The following RPA1 variants were observed in gnomAD, a reference collection of about 807,000 sequenced individuals.
RPA1 encodes the protein replication protein A 70 kDa DNA-binding subunit.
In RPA1, 49 loss-of-function variants were observed where a neutral mutation model predicts 83.0. The ratio of observed to expected loss-of-function variants is 0.59; its 90% CI spans 0.47 to 0.75. The LOEUF is 0.75. RPA1 is among the 30% of genes least tolerant of loss of function. The probability of loss-of-function intolerance (pLI) is 0.00; values close to 1 mark genes in which losing one functional copy is unlikely to be tolerated. For synonymous variants in RPA1, 279 were observed against 281.8 expected, an observed-to-expected ratio of 0.99 and a Z score of 0.10; for missense variants, 693 against 776.1, an observed-to-expected ratio of 0.89 and a Z score of 1.27.
At chr17:1,880,761 A>G (rs1256870356) in intron 12 of RPA1, 70 bp downstream of exon 12, 55 of 1,582,174 alleles carry the variant, frequency 3.5e-5, no homozygotes, top group Non-Finnish European at 4.6e-5. Context: ...TACAATCAGC[A>G]TGGGAGCTTT....
At position 1,888,809 on chromosome 17, in the gene RPA1, C is replaced by A; in HGVS notation, c.1509C>A (p.Cys503Ter). 1 of 1,613,954 alleles carries A rather than the reference C, an allele frequency of 6.2e-7. No individual in the cohort carries two copies. The highest frequency in any genetic ancestry group is 8.5e-7 in the Non-Finnish European group (1 of 1,179,880). Residue 503 changes from cysteine (C) to a stop codon, truncating the protein, a stop_gained, in exon 14 of 17, where the codon TGC becomes TGA. Transcript: ENST00000254719. LOFTEE classifies it high-confidence loss of function. Reference sequence around the variant, plus strand: ...ATGGATTGTACCGCTGTGAGAAGTGCGACACCGAATTTCCCAATTTCAAGT... The same window carrying A: ...ATGGATTGTACCGCTGTGAGAAGTGAGACACCGAATTTCCCAATTTCAAGT... ...QQNGLYRCEK[C>*]DTEFPNFKYR...
chr17:1,872,660 C>G (rs949555828), intron 6 of RPA1, 134 bp downstream of exon 6: 28 of 1,159,000 alleles, frequency 2.4e-5, no homozygotes, highest in Non-Finnish European at 3.2e-5. Flanking sequence ...AAGAATAATT[C>G]TGATTCATAT....
intron 1 of RPA1, among the ~76,000 whole-genome samples, chr17:1,842,572 A>C (rs537718355): frequency 3.9e-5 from 6 of 152,322 alleles, no homozygotes; most frequent in Admixed American, 3.9e-4. Context: ...ACGAGTACAT[A>C]TGGGATACCG....
intron 15 of RPA1, among the ~76,000 whole-genome samples, chr17:1,893,494 T>G (rs1914274433): frequency 6.6e-6 from 1 of 152,274 alleles, no homozygotes; most frequent in African/African-American, 2.4e-5. Flanking sequence ...AAGAGTTCTG[T>G]ATAGCAAAGC....
At chr17:1,868,856 G>A (rs532134322) in intron 5 of RPA1, among the ~76,000 whole-genome samples, 17 of 152,272 alleles carry the variant, frequency 1.1e-4, no homozygotes, top group Admixed American at 5.9e-4. Context: ...AAAGTCTCCC[G>A]TATTTACCAC....
chr17:1,843,466 G>A (rs1439744242), intron 2 of RPA1, among the ~76,000 whole-genome samples: 5 of 151,774 alleles, frequency 3.3e-5, no homozygotes, highest in East Asian at 3.9e-4. Context: ...GCCTGATCAC[G>A]GACACATCAC....
At chr17:1,846,542 G>C (rs187576800) in intron 4 of RPA1, among the ~76,000 whole-genome samples, 13 of 151,886 alleles carry the variant, frequency 8.6e-5, no homozygotes, top group Non-Finnish European at 1.3e-4. Context: ...GGATGGTCTC[G>C]ATCTCCTGAC....
chr17:1,875,666 A>G lies in RPA1; in HGVS notation c.460A>G (p.Thr154Ala), dbSNP rs145953310. 18 of 1,611,980 alleles carry G rather than the reference A, an allele frequency of 1.1e-5. 1 individual carries two copies. The highest frequency in any genetic ancestry group is 3.3e-5 in the South Asian group (3 of 90,594). Reference protein sequence around the residue: ...PQNGSSGMGSTVSKAYGASKT... With the variant: ...PQNGSSGMGSAVSKAYGASKT... ...GTTTGCGTTTGTTTTTAAAGGTTCTACTGTTTCTAAGGCTTATGGTGCTTC... is the reference window on the plus strand; with the variant it reads ...GTTTGCGTTTGTTTTTAAAGGTTCTGCTGTTTCTAAGGCTTATGGTGCTTC... Residue 154 changes from threonine to alanine, a missense_variant, in exon 7 of 17, where the codon ACT (threonine) becomes GCT (alanine). Physicochemically the swap from Thr to Ala is moderately conservative, Grantham distance 58. Coordinates refer to ENST00000254719, the MANE Select transcript of RPA1 (RefSeq NM_002945.5).
chr17:1,849,621 T>G (rs1173533535), intron 4 of RPA1, among the ~76,000 whole-genome samples: 1 of 151,626 alleles, frequency 6.6e-6, no homozygotes, highest in Non-Finnish European at 1.5e-5. Flanking sequence ...TCATTTTGTT[T>G]TTTTTTTTTT....
rs1007465377 is a variant in RPA1, at chr17:1,897,315, C to T, written c.*140C>T. 20 of 653,656 alleles carry T rather than the reference C, an allele frequency of 3.1e-5. No individual in the cohort carries two copies. The highest frequency in any genetic ancestry group is 2.0e-4 in the Admixed American group (7 of 34,918). The allele number at this position is 653,656 out of a possible 1,614,324, so 40.5% of individuals were successfully genotyped here. On this transcript the variant is annotated 3_prime_UTR_variant, in exon 17 of 17. Coordinates refer to ENST00000254719, the MANE Select transcript of RPA1 (RefSeq NM_002945.5). ...GGACTAAGCAATTTCCCCCCTCGTGCGCATCTCAGAACCCATCGGTAGGCA... is the reference window on the plus strand; with the variant it reads ...GGACTAAGCAATTTCCCCCCTCGTGTGCATCTCAGAACCCATCGGTAGGCA...
rs892812979 is a variant in RPA1 at position 1,853,037 on chromosome 17, G to C, written c.273-64G>C. On this transcript the variant is annotated intron_variant, in intron 4 of 16. Coordinates refer to ENST00000254719, the MANE Select transcript of RPA1 (RefSeq NM_002945.5). ...CAATGATCATCGGGGAAAGCATTTT[G>C]AGTAGCTTATCATTTGAACAGAATT... The C allele has an allele frequency of 2.4e-6, 3 of 1,244,152 alleles. No individual in the cohort carries two copies. In the African/African-American group the frequency reaches 4.4e-5, roughly 18 times the overall value. The allele number at this position is 1,244,152 out of a possible 1,614,324, so 77.1% of individuals were successfully genotyped here.
At chr17:1,854,083 G>C (rs11650870) in intron 5 of RPA1, 33,023 of 151,994 alleles carry the variant, frequency 0.22, 3,716 homozygotes, top group Admixed American at 0.25. Context: ...TCATGAAAAT[G>C]TATAGAAAAG....
intron 4 of RPA1, 117 bp from the exon 5 acceptor site, chr17:1,852,984 C>T: frequency 1.3e-6 from 1 of 766,816 alleles, no homozygotes; most frequent in Non-Finnish European, 2.2e-6. Context: ...TTTATGTAAA[C>T]AGATGACAAA....
intron 7 of RPA1, 144 bp from the exon 8 acceptor site, chr17:1,877,068 T>C: frequency 1.4e-6 from 1 of 704,572 alleles, no homozygotes; most frequent in Non-Finnish European, 2.5e-6. Context: ...CCATGTGTCA[T>C]CTTGGGGTTT....
rs1567803465 is a variant in RPA1, at chr17:1,844,570, G to C, written c.164-8G>C. 1 of 1,610,870 alleles carries C rather than the reference G, an allele frequency of 6.2e-7. No homozygotes were observed. Among genetic ancestry groups the C allele is most frequent in the Admixed American group, 1.7e-5 (1 of 59,750 alleles). On this transcript the variant is annotated splice_region_variant and splice_polypyrimidine_tract_variant and intron_variant, in intron 3 of 16. Transcript: ENST00000254719. ...TTTGGAGGCTAAAGAAATCTCTGTG[G>C]TTTTCAGCTTTCATGTTGGCGACAC... is the stretch of plus-strand genomic sequence containing the variant.
chr17:1,891,483 G>A (rs993307975), intron 14 of RPA1, among the ~76,000 whole-genome samples: 6 of 93,448 alleles, frequency 6.4e-5, no homozygotes, highest in South Asian at 3.1e-4. Flanking sequence ...GCAGTGGCTC[G>A]ATCTCAGCTC....
In RPA1 at chr17:1,888,861, C is replaced by CA. The variant is rs1219733023; in HGVS notation, c.1551+10_1551+11insA. The CA allele has an allele frequency of 1.2e-6, 2 of 1,609,826 alleles. No homozygotes were observed. The highest frequency in any genetic ancestry group is 1.7e-6 in the Non-Finnish European group (2 of 1,176,696). On this transcript the variant is annotated intron_variant, in intron 14 of 16. Transcript: ENST00000254719. The stretch of plus-strand genomic sequence containing the variant: ...CCGCATGATCCTGTCAGTAAGTAGC[C>CA]TCGGTAGATGAGAACCACGGTTGTG...
intron 5 of RPA1, among the ~76,000 whole-genome samples, chr17:1,861,238 A>G (rs929625523): frequency 3.3e-5 from 5 of 152,104 alleles, no homozygotes; most frequent in African/African-American, 1.2e-4. Flanking sequence ...CCGGCCAGCT[A>G]GACGGCGATC....
At chr17:1,891,094 C>CA in intron 14 of RPA1, among the ~76,000 whole-genome samples, 1 of 152,158 alleles carries the variant, frequency 6.6e-6, no homozygotes, top group East Asian at 1.9e-4. Flanking sequence ...GTAAAATCGT[C>CA]AAAATGATGC....
Sources: gnomAD v4.1 joint callset for allele counts (sites outside exome capture counted in the v4.1 genomes callset) on GRCh38, gnomAD v4.1.1 for gene constraint, MANE v1.5 for transcripts, NCBI Gene and HGNC (gene_info 2026-07-23, HGNC 2026-07-21) for gene names.